CDC42EP3: variants seen among roughly 807,000 people sequenced by gnomAD.
CDC42EP3 encodes the protein CDC42 effector protein 3, also known as CDC42 effector protein (Rho GTPase binding) 3.
Under a neutral mutation model 15.5 loss-of-function variants are expected in CDC42EP3, and 4 were observed. That is an observed-to-expected ratio of 0.26 (90% CI 0.13 to 0.59). CDC42EP3 has a LOEUF of 0.59. CDC42EP3 is among the 20% of genes least tolerant of loss of function. CDC42EP3 has a pLI of 0.89. For synonymous variants in CDC42EP3, 145 were observed against 130.3 expected, an observed-to-expected ratio of 1.11 and a Z score of -0.77; for missense variants, 309 against 311.2, an observed-to-expected ratio of 0.99 and a Z score of 0.05.
At chr2:37,663,678 C>T (rs947650548) in intron 1 of CDC42EP3, among the ~76,000 whole-genome samples, 4 of 152,228 alleles carry the variant, frequency 2.6e-5, no homozygotes, top group African/African-American at 7.2e-5. Flanking sequence ...AACTTTACTA[C>T]AGCAGGACTT....
chr2:37,656,665 G>C (rs1331025912), intron 1 of CDC42EP3, among the ~76,000 whole-genome samples: 1 of 152,184 alleles, frequency 6.6e-6, no homozygotes, highest in East Asian at 1.9e-4. Flanking sequence ...GGAGGAGCTA[G>C]GATTCCAGCC....
intron 1 of CDC42EP3, among the ~76,000 whole-genome samples, chr2:37,654,052 C>T (rs1407062967): frequency 6.6e-6 from 1 of 152,210 alleles, no homozygotes; most frequent in East Asian, 1.9e-4. Context: ...ATCTGAGCCC[C>T]ATGCCAGAGT....
At position 37,646,178 on chromosome 2, in the gene CDC42EP3, G is replaced by A. The variant is rs1169570317; in HGVS notation, c.410C>T (p.Pro137Leu). Residue 137 changes from proline (P) to leucine (L), a missense_variant, in exon 2 of 2, where the codon CCA becomes CTA. By Grantham distance (98) the Pro-to-Leu change is moderately conservative. Coordinates refer to ENST00000295324, the MANE Select transcript of CDC42EP3 (RefSeq NM_006449.5). ...GCAGCTAAGCCTGGGCAGCTTTGCT[G>A]GCCCGAAGGACTCCTGTTTGGAATT... Reference protein sequence around the residue: ...TFNSKQESFGPAKLPRLSCEP... With the variant: ...TFNSKQESFGLAKLPRLSCEP... The A allele has an allele frequency of 6.2e-7, 1 of 1,614,172 alleles. No homozygotes were observed. The highest frequency in any genetic ancestry group is 1.1e-5 in the South Asian group (1 of 91,088).
chr2:37,662,093 A>G (rs1239318151), intron 1 of CDC42EP3, among the ~76,000 whole-genome samples: 1 of 149,920 alleles, frequency 6.7e-6, no homozygotes, highest in Non-Finnish European at 1.5e-5. Context: ...AGAAAAAAAA[A>G]AAGTAATGTT....
chr2:37,671,684 G>A (rs1259665925), upstream of CDC42EP3: 1 of 151,478 alleles, frequency 6.6e-6, no homozygotes, highest in African/African-American at 2.4e-5. Context: ...CCTGCGGAGG[G>A]CGGGGCGGCG....
At position 37,645,920 on chromosome 2, in the gene CDC42EP3, G is replaced by A. The variant is rs758750648; in HGVS notation, c.668C>T (p.Ser223Phe). ...LIKGKTKSEE[S>F]LSDLTGSLLS... ...GAGGGAACCTGTAAGGTCAGAGAGG[G>A]ACTCCTCTGACTTAGTCTTTCCCTT... The change falls in exon 2 of 2, where the codon TCC (serine) becomes TTC (phenylalanine). Residue 223 changes from serine (S) to phenylalanine (F), a missense_variant. Transcript: ENST00000295324. 1.6e-5 allele frequency: 26 copies of A among 1,612,780 alleles called. 1 individual carries two copies. The South Asian group carries it at 2.4e-4, about 15-fold the overall frequency.
At chr2:37,670,313 C>T (rs79820480) in intron 1 of CDC42EP3, among the ~76,000 whole-genome samples, 3,035 of 152,164 alleles carry the variant, frequency 0.02, 106 homozygotes, top group African/African-American at 0.068. Flanking sequence ...GAATTAAGAG[C>T]TGGGAGATGG....
At chr2:37,661,105 T>G (rs1666042603) in intron 1 of CDC42EP3, among the ~76,000 whole-genome samples, 1 of 113,932 alleles carries the variant, frequency 8.8e-6, no homozygotes, top group African/African-American at 3.4e-5. Flanking sequence ...ATAGTGTGTG[T>G]GTACAGTGTG....
At chr2:37,664,548 C>T (rs1016627099) in intron 1 of CDC42EP3, among the ~76,000 whole-genome samples, 2 of 152,152 alleles carry the variant, frequency 1.3e-5, no homozygotes, top group African/African-American at 4.8e-5. Context: ...TCTAGAGAAC[C>T]CTGACTAATA....
rs1485801559 is a variant in CDC42EP3 at position 37,643,855 on chromosome 2, T to C, written c.*1968A>G. The C allele has an allele frequency of 6.6e-6, 1 of 152,002 alleles. No homozygotes were observed. The highest frequency in any genetic ancestry group is 2.4e-5 in the African/African-American group (1 of 41,386). The allele number at this position is 152,002 out of a possible 1,614,324, so 9.4% of individuals were successfully genotyped here. Reference sequence around the variant, plus strand: ...AGAAAAAACACTGGAGAGTCATGGATAACGAAATACAACTGAGAAGTTACG... The same window carrying C: ...AGAAAAAACACTGGAGAGTCATGGACAACGAAATACAACTGAGAAGTTACG... On this transcript the variant is annotated 3_prime_UTR_variant, in exon 2 of 2. Transcript: ENST00000295324.
intron 1 of CDC42EP3, among the ~76,000 whole-genome samples, chr2:37,654,454 C>A (rs1259463707): frequency 6.6e-6 from 1 of 151,884 alleles, no homozygotes; most frequent in Non-Finnish European, 1.5e-5. Context: ...TCTGGGAGGC[C>A]CTAGAGCTAC....
At chr2:37,650,898 C>G (rs1184478388) in intron 1 of CDC42EP3, among the ~76,000 whole-genome samples, 1 of 152,210 alleles carries the variant, frequency 6.6e-6, no homozygotes, top group African/African-American at 2.4e-5. Flanking sequence ...CATATGCCCT[C>G]TGACCTCAGA....
At chr2:37,652,868 C>G (rs1336590957) in intron 1 of CDC42EP3, among the ~76,000 whole-genome samples, 1 of 152,170 alleles carries the variant, frequency 6.6e-6, no homozygotes, top group Non-Finnish European at 1.5e-5. Context: ...CTCACCATGC[C>G]TGGCTCTCTA....
intron 1 of CDC42EP3, among the ~76,000 whole-genome samples, chr2:37,661,858 TA>T (rs1356311693): frequency 6.6e-6 from 1 of 152,184 alleles, no homozygotes; most frequent in Non-Finnish European, 1.5e-5. Flanking sequence ...ATTATCTGTT[TA>T]TATATCAGGC....
intron 1 of CDC42EP3, among the ~76,000 whole-genome samples, chr2:37,655,065 G>C (rs923793068): frequency 6.6e-6 from 1 of 152,210 alleles, no homozygotes; most frequent in Non-Finnish European, 1.5e-5. Context: ...AAGATAAGAA[G>C]ATGCCTTTTC....
At chr2:37,671,752 G>A (rs1187220136), upstream of CDC42EP3, 1 of 151,154 alleles carries the variant, frequency 6.6e-6, no homozygotes, top group Non-Finnish European at 1.5e-5. Context: ...CGCGGGCAGC[G>A]GGGCCGACCC....
At position 37,658,905 on chromosome 2, in the gene CDC42EP3, C is replaced by T. The variant is rs143342591; in HGVS notation, c.-235-12083G>A. On this transcript the variant is annotated intron_variant, in intron 1 of 1. Coordinates refer to ENST00000295324, the MANE Select transcript of CDC42EP3 (RefSeq NM_006449.5). ...TGAGGTACCTAGAATCCTCATGTAA[C>T]CTTATCACTCTCTGCTTTAAAACCT... Among the ~76,000 whole-genome samples, 292 of 152,346 alleles carry T rather than the reference C, an allele frequency of 1.9e-3. 1 individual carries two copies. Among genetic ancestry groups the T allele is most frequent in the African/African-American group, 6.4e-3 (268 of 41,570 alleles).
Position 37,645,623 on chromosome 2 carries a change from C to G in CDC42EP3, c.*200G>C, listed in dbSNP as rs1318192663. 4.5e-6 allele frequency: 2 copies of G among 449,018 alleles called. No individual in the cohort carries two copies. The highest frequency in any genetic ancestry group is 7.7e-6 in the Non-Finnish European group (2 of 258,160). 27.8% of individuals were successfully genotyped at this position (449,018 alleles called of 1,614,324 possible). ...GGCTCTGACTCACTTCCTTTTTTTG[C>G]CAAGATAGGTTTTGCTTTGTTGTTT... On this transcript the variant is annotated 3_prime_UTR_variant, in exon 2 of 2. Transcript: ENST00000295324.
At chr2:37,652,040 TG>T (rs1665698847) in intron 1 of CDC42EP3, among the ~76,000 whole-genome samples, 1 of 151,498 alleles carries the variant, frequency 6.6e-6, no homozygotes. Context: ...CCGGGCCTGG[TG>T]GCAGGCGCCT....
Sources: allele counts gnomAD v4.1 joint callset (sites outside exome capture counted in the v4.1 genomes callset), GRCh38; gene constraint gnomAD v4.1.1; transcripts MANE v1.5; gene names NCBI Gene and HGNC (gene_info 2026-07-23, HGNC 2026-07-21).